Variants in PTK2 observed in about 807,000 individuals in gnomAD.
The protein encoded by PTK2 is focal adhesion kinase 1.
PTK2 carries 45 observed loss-of-function variants against 150.1 expected under a neutral mutation model. The ratio of observed to expected loss-of-function variants is 0.30; its 90% CI spans 0.24 to 0.38. The LOEUF (loss-of-function observed/expected upper bound fraction) is 0.38, where lower values mean the gene tolerates loss of function less well. PTK2 is among the 10% of genes least tolerant of loss of function. The probability of loss-of-function intolerance (pLI) is 1.00; values close to 1 mark genes in which losing one functional copy is unlikely to be tolerated. For missense variants in PTK2, 919 were observed against 1,307.3 expected, an observed-to-expected ratio of 0.70 and a Z score of 4.58; for synonymous variants, 432 against 449.2, an observed-to-expected ratio of 0.96 and a Z score of 0.48.
chr8:140,694,929 AG>A (rs1172746594), intron 26 of PTK2, among the ~76,000 whole-genome samples: 1 of 152,242 alleles, frequency 6.6e-6, no homozygotes, highest in Non-Finnish European at 1.5e-5. Flanking sequence ...ACAGAGGGTC[AG>A]GGTGGCCCTC....
At chr8:140,791,169 T>C (rs537609337) in intron 13 of PTK2, among the ~76,000 whole-genome samples, 2 of 152,314 alleles carry the variant, frequency 1.3e-5, no homozygotes, top group East Asian at 1.9e-4. Context: ...CCTCTATGTG[T>C]GTGTGTGTCT....
At chr8:140,866,487 T>TA (rs2100139372) in intron 4 of PTK2, among the ~76,000 whole-genome samples, 1 of 152,208 alleles carries the variant, frequency 6.6e-6, no homozygotes, top group African/African-American at 2.4e-5. Flanking sequence ...GGGCTCTAGA[T>TA]AAAGATCACC....
intron 1 of PTK2, among the ~76,000 whole-genome samples, chr8:140,994,603 G>T (rs1260577096): frequency 2.0e-5 from 3 of 152,122 alleles, no homozygotes; most frequent in Non-Finnish European, 4.4e-5. Flanking sequence ...CAAAACAATG[G>T]ATTACAGATG....
At chr8:140,998,750 T>A (rs990970841) in intron 1 of PTK2, among the ~76,000 whole-genome samples, 1 of 144,356 alleles carries the variant, frequency 6.9e-6, no homozygotes, top group Non-Finnish European at 1.5e-5. Context: ...ACCCGGGCAG[T>A]GGAGCTTGCA....
chr8:140,926,574 T>C (rs1357482770), intron 1 of PTK2, among the ~76,000 whole-genome samples: 1 of 152,206 alleles, frequency 6.6e-6, no homozygotes, highest in Non-Finnish European at 1.5e-5. Context: ...GCTCATGTGA[T>C]AGTCCTCTAG....
At chr8:140,980,811 C>T (rs1168106777) in intron 1 of PTK2, among the ~76,000 whole-genome samples, 4 of 141,198 alleles carry the variant, frequency 2.8e-5, no homozygotes, top group African/African-American at 7.9e-5. Context: ...TGTGCAGTGG[C>T]GCAATCTTGG....
chr8:140,916,173 G>A (rs2100165198), intron 2 of PTK2, among the ~76,000 whole-genome samples: 1 of 152,198 alleles, frequency 6.6e-6, no homozygotes, highest in African/African-American at 2.4e-5. Flanking sequence ...ACCAGAATGA[G>A]GCATGTGTTT....
At chr8:140,736,448 T>C (rs1394048818) in intron 21 of PTK2, among the ~76,000 whole-genome samples, 1 of 151,318 alleles carries the variant, frequency 6.6e-6, no homozygotes, top group African/African-American at 2.4e-5. Context: ...GGTGATAGGT[T>C]CAACTGAAGC....
In PTK2 at chr8:140,818,476, A is replaced by G. The variant is rs1465919804; in HGVS notation, c.790-122T>C. On this transcript the variant is annotated intron_variant, in intron 9 of 31. Transcript: ENST00000522684. ...GGCTGGTTTGGTTTGCTATTAATCT[A>G]TCTAACCAAATAAGATAAAATATTT... is the stretch of plus-strand genomic sequence containing the variant. 4 of 777,470 alleles carry G rather than the reference A, an allele frequency of 5.1e-6. No homozygotes were observed. The African/African-American group carries it at 7.0e-5, about 14-fold the overall frequency. 48.2% of individuals were successfully genotyped at this position (777,470 alleles called of 1,614,324 possible). A position where few individuals can be genotyped will look rare whatever the true frequency, so the allele number is the denominator to read the frequency against.
At chr8:140,707,555 G>A (rs2100034529) in intron 23 of PTK2, among the ~76,000 whole-genome samples, 1 of 152,032 alleles carries the variant, frequency 6.6e-6, no homozygotes. Context: ...ACAGGCAGCG[G>A]CACCTCACCA....
chr8:140,970,346 G>C (rs1034996890), intron 1 of PTK2, among the ~76,000 whole-genome samples: 27 of 152,352 alleles, frequency 1.8e-4, no homozygotes, highest in African/African-American at 5.8e-4. Context: ...TCAGAGAAGT[G>C]AAACATCAGT....
intron 7 of PTK2, among the ~76,000 whole-genome samples, chr8:140,832,580 G>A (rs2100116109): frequency 6.6e-6 from 1 of 152,166 alleles, no homozygotes; most frequent in Non-Finnish European, 1.5e-5. Flanking sequence ...TGGTCCACAT[G>A]CCCTGTGTCT....
chr8:140,676,375 C>T (rs1564119120), intron 27 of PTK2, among the ~76,000 whole-genome samples: 4 of 146,234 alleles, frequency 2.7e-5, no homozygotes, highest in African/African-American at 7.7e-5. Flanking sequence ...GACTCTGTCT[C>T]AAAAAAATTA....
At chr8:140,936,082 A>G (rs2100173520) in intron 1 of PTK2, among the ~76,000 whole-genome samples, 1 of 152,150 alleles carries the variant, frequency 6.6e-6, no homozygotes, top group Admixed American at 6.5e-5. Context: ...AGGCTGAGAC[A>G]GGAGGATTGC....
In PTK2 at chr8:140,938,776, C is replaced by A. The variant is rs1235423872; in HGVS notation, c.-121-13027G>T. Among the ~76,000 whole-genome samples, 6 of 152,202 alleles carry A rather than the reference C, an allele frequency of 3.9e-5. No individual in the cohort carries two copies. The East Asian group carries it at 1.2e-3, about 29-fold the overall frequency. ...TCATGATTACTGTACAAATGCCATG[C>A]AAACATTTGACCAAGCTTTGTTATC... On this transcript the variant is annotated intron_variant, in intron 1 of 31. Coordinates refer to ENST00000522684, the Ensembl canonical transcript of PTK2.
intron 14 of PTK2, among the ~76,000 whole-genome samples, chr8:140,785,923 T>C (rs956584323): frequency 3.9e-5 from 6 of 152,240 alleles, no homozygotes; most frequent in Non-Finnish European, 7.3e-5. Context: ...GCAGGTTTAC[T>C]GTCATACAGA....
chr8:140,902,947 T>TTG (rs1568519651), intron 2 of PTK2, among the ~76,000 whole-genome samples: 3 of 143,204 alleles, frequency 2.1e-5, no homozygotes, highest in East Asian at 4.0e-4. Flanking sequence ...TTTTTTTTTT[T>TTG]TTTTTTTTTT....
intron 10 of PTK2, among the ~76,000 whole-genome samples, chr8:140,814,094 A>G (rs750819595): frequency 4.6e-5 from 7 of 152,216 alleles, no homozygotes; most frequent in African/African-American, 7.2e-5. Context: ...CCCTCCCAAG[A>G]CTGAGCCAGG....
At chr8:140,802,471 TAA>T (rs1204243933) in intron 11 of PTK2, among the ~76,000 whole-genome samples, 1 of 152,190 alleles carries the variant, frequency 6.6e-6, no homozygotes. Flanking sequence ...TTATAAAATA[TAA>T]AAGTTACTGT....
Sources: gnomAD v4.1 joint callset for allele counts (sites outside exome capture counted in the v4.1 genomes callset) on GRCh38, gnomAD v4.1.1 for gene constraint, MANE v1.5 for transcripts, NCBI Gene and HGNC (gene_info 2026-07-23, HGNC 2026-07-21) for gene names.